The following TMC2 variants were observed in gnomAD, a reference collection of about 807,000 sequenced individuals.
The protein encoded by TMC2 is transmembrane channel-like protein 2.
Under a neutral mutation model 105.9 loss-of-function variants are expected in TMC2, and 102 were observed. That is an observed-to-expected ratio of 0.96 (90% confidence interval 0.82 to 1.14). The LOEUF (loss-of-function observed/expected upper bound fraction) is 1.14. Among genes scored for constraint, TMC2 ranks in the 50% most tolerant of loss-of-function variants. The probability of loss-of-function intolerance (pLI) is 0.00; values close to 1 mark genes in which losing one functional copy is unlikely to be tolerated. For missense variants in TMC2, 1,093 were observed against 1,134.3 expected (o/e 0.96, Z 0.52); for synonymous variants, 402 against 422.8 (o/e 0.95, Z 0.60).
intron 5 of TMC2, among the ~76,000 whole-genome samples, chr20:2,572,547 A>G (rs1215678526): frequency 6.6e-6 from 1 of 152,122 alleles, no homozygotes; most frequent in Admixed American, 6.5e-5. Context: ...AACCACTGGG[A>G]TTTTATTTTC....
chr20:2,558,389 G>A lies in TMC2; in HGVS notation c.83-67G>A, dbSNP rs2085997786. 1.9e-6 allele frequency: 3 copies of A among 1,540,842 alleles called. No individual in the cohort carries two copies. The South Asian group carries it at 3.6e-5, about 19-fold the overall frequency. ...TCATCTTGGACGTCTGATTTCTCACGGCCGGGGACATTTTCCTGGGCCTGA... is the reference window on the plus strand; with the variant it reads ...TCATCTTGGACGTCTGATTTCTCACAGCCGGGGACATTTTCCTGGGCCTGA... On this transcript the variant is annotated intron_variant, in intron 2 of 19. Transcript: ENST00000358864. This position sits in a 1 kb window ranked among gnomAD's most constrained non-coding sequence, Gnocchi z 4.6.
intron 2 of TMC2, among the ~76,000 whole-genome samples, chr20:2,545,876 A>AT (rs2085922503): frequency 6.9e-6 from 1 of 145,038 alleles, no homozygotes; most frequent in African/African-American, 2.6e-5. Flanking sequence ...AAAGAAAGAA[A>AT]GAAAAAGAAA....
At chr20:2,641,068 G>A (rs2086684629) in intron 19 of TMC2, 66 bp from the exon 20 acceptor site, 2 of 1,437,608 alleles carry the variant, frequency 1.4e-6, no homozygotes, top group Non-Finnish European at 2.0e-6. Flanking sequence ...GGCGACTCCA[G>A]AGAGCTCCAA....
rs776568802 is a variant in TMC2, at chr20:2,536,643, C to T, written c.22C>T (p.Leu8=). The T allele has an allele frequency of 1.9e-6, 3 of 1,575,968 alleles. No homozygotes were observed. Among genetic ancestry groups the T allele is most frequent in the Non-Finnish European group, 1.7e-6 (2 of 1,160,792 alleles). ...GACCATGAGCCACCAGGTAAAGGGC[C>T]TGAAAGAGGAAGGTGAGTCCACGTC... The part of the protein sequence containing the change: MSHQVKG[L]KEEARGGVKG... Residue 8 remains leucine (L), a synonymous_variant, in exon 1 of 20, where the codon CTG becomes TTG. Transcript: ENST00000358864.
intron 4 of TMC2, among the ~76,000 whole-genome samples, chr20:2,571,581 A>T (rs1419857168): frequency 6.6e-6 from 1 of 152,268 alleles, no homozygotes; most frequent in Non-Finnish European, 1.5e-5. Flanking sequence ...AATGTAAATT[A>T]GTTCAACCAT....
chr20:2,608,722 C>G (rs1411733390), intron 11 of TMC2, among the ~76,000 whole-genome samples: 1 of 152,218 alleles, frequency 6.6e-6, no homozygotes. Context: ...CTCTCACACA[C>G]TCTCATCTCT....
intron 7 of TMC2, among the ~76,000 whole-genome samples, chr20:2,582,869 G>C (rs2086204624): frequency 6.6e-6 from 1 of 152,220 alleles, no homozygotes; most frequent in Admixed American, 6.5e-5. Context: ...AGCTCTGAAT[G>C]TAAGAATGAG....
At chr20:2,630,155 A>T (rs2086593535) in intron 17 of TMC2, among the ~76,000 whole-genome samples, 1 of 152,216 alleles carries the variant, frequency 6.6e-6, no homozygotes, top group Non-Finnish European at 1.5e-5. Context: ...GAAGACAATA[A>T]ATCTTGAACT....
At chr20:2,632,488 C>T (rs999884853) in intron 17 of TMC2, among the ~76,000 whole-genome samples, 2 of 152,130 alleles carry the variant, frequency 1.3e-5, no homozygotes, top group African/African-American at 4.8e-5. Flanking sequence ...AATACAGCAT[C>T]AAGGTTTCCT....
At position 2,589,269 on chromosome 20, in the gene TMC2, C is replaced by CGTGTGTGTGTGTGTGTGTGTGTGTGT. The variant is rs764448789; in HGVS notation, c.835-3041_835-3040insGTGTGTGTGTGTGTGTGTGTGTGTGT. On this transcript the variant is annotated intron_variant, in intron 7 of 19. Coordinates refer to ENST00000358864, the MANE Select transcript of TMC2 (RefSeq NM_080751.3). ...TTTTTCCAGATATCTTCCTATTTGC[C>CGTGTGTGTGTGTGTGTGTGTGTGTGT]CTGTGTGTGTGTGTGTGTGTGTGTG... Among the ~76,000 whole-genome samples, 5 of 84,706 alleles carry CGTGTGTGTGTGTGTGTGTGTGTGTGT rather than the reference C, an allele frequency of 5.9e-5. 1 individual carries two copies. The highest frequency in any genetic ancestry group is 1.1e-4 in the Admixed American group (1 of 9,458). 55.6% of individuals were successfully genotyped at this position (84,706 alleles called of 152,430 possible). A position where few individuals can be genotyped will look rare whatever the true frequency, so the allele number is the denominator to read the frequency against.
intron 2 of TMC2, among the ~76,000 whole-genome samples, chr20:2,547,450 C>T (rs1311361019): frequency 6.6e-6 from 1 of 152,208 alleles, no homozygotes; most frequent in Non-Finnish European, 1.5e-5. Context: ...TTTACCTACA[C>T]AAGTTAACCT....
intron 4 of TMC2, among the ~76,000 whole-genome samples, chr20:2,570,901 AG>A (rs2086098369): frequency 6.6e-6 from 1 of 152,214 alleles, no homozygotes; most frequent in South Asian, 2.1e-4. Context: ...GCAATGGGGA[AG>A]GACTCCCTAT....
At position 2,637,503 on chromosome 20, in the gene TMC2, T is replaced by C; in HGVS notation, c.2415T>C (p.Ser805=). The C allele has an allele frequency of 6.2e-7, 1 of 1,613,744 alleles. No individual in the cohort carries two copies. The highest frequency in any genetic ancestry group is 8.5e-7 in the Non-Finnish European group (1 of 1,179,890). ...VLREVEKSHK[S]VKGKATARDS... is the part of the protein sequence containing the mutation. ...GTGAAGTTGAGAAGAGTCACAAATC[T>C]GTAAAAGGCAAAGCCACAGCCAGAG... Residue 805 remains serine (S), a synonymous_variant, in exon 19 of 20, where the codon TCT becomes TCC. Coordinates refer to ENST00000358864, the MANE Select transcript of TMC2 (RefSeq NM_080751.3).
intron 2 of TMC2, among the ~76,000 whole-genome samples, chr20:2,554,046 G>A (rs1304462846): frequency 1.2e-4 from 19 of 152,004 alleles, no homozygotes; most frequent in African/African-American, 2.4e-4. Flanking sequence ...CACCATACCC[G>A]GCTAATTTTT....
chr20:2,605,752 C>A (rs1462131500), intron 11 of TMC2, among the ~76,000 whole-genome samples: 1 of 152,164 alleles, frequency 6.6e-6, no homozygotes, highest in Non-Finnish European at 1.5e-5. Context: ...TAGACCTCAC[C>A]ACCCCTCTCC....
At chr20:2,576,598 C>A (rs187506332) in intron 5 of TMC2, among the ~76,000 whole-genome samples, 1 of 152,140 alleles carries the variant, frequency 6.6e-6, no homozygotes. Flanking sequence ...AGGGAGGACT[C>A]GCATTAATAA....
intron 17 of TMC2, among the ~76,000 whole-genome samples, chr20:2,630,273 A>G (rs1414239937): frequency 6.6e-6 from 1 of 152,186 alleles, no homozygotes; most frequent in Non-Finnish European, 1.5e-5. Flanking sequence ...AATTGTTTCT[A>G]TTACTGAAAG....
intron 1 of TMC2, 114 bp from the exon 2 acceptor site, chr20:2,537,155 G>A (rs1206306196): frequency 1.2e-6 from 1 of 857,098 alleles, no homozygotes; most frequent in East Asian, 2.7e-5. Context: ...TTGGAGCTGG[G>A]TCCCAGTTTG....
chr20:2,536,872 T>C (rs1050809499), intron 1 of TMC2, among the ~76,000 whole-genome samples: 8 of 152,188 alleles, frequency 5.3e-5, no homozygotes, highest in African/African-American at 1.9e-4. Context: ...GCAGGGCTAC[T>C]GGAAGGATTC....
Sources: allele counts gnomAD v4.1 joint callset (sites outside exome capture counted in the v4.1 genomes callset), GRCh38; gene constraint gnomAD v4.1.1; non-coding constraint Gnocchi (gnomAD v3.1); transcripts MANE v1.5; gene names NCBI Gene and HGNC (gene_info 2026-07-23, HGNC 2026-07-21).